The following SLC15A1 variants were observed in gnomAD, a reference collection of about 807,000 sequenced individuals.
SLC15A1 encodes Caco-2 oligopeptide transporter.
Under a neutral mutation model 92.9 loss-of-function variants are expected in SLC15A1, and 83 were observed. The observed-to-expected ratio is 0.89, with a 90% CI of 0.75 to 1.07. The LOEUF (loss-of-function observed/expected upper bound fraction) is 1.07. Ranked by LOEUF, SLC15A1 falls within the 50% of genes least tolerant of loss-of-function variation. The probability of loss-of-function intolerance (pLI) is 0.00; values close to 1 mark genes in which losing one functional copy is unlikely to be tolerated. For missense variants in SLC15A1, 857 were observed against 880.1 expected (o/e 0.97, Z 0.33); for synonymous variants, 322 against 318.2 (o/e 1.01, Z -0.13).
Position 98,709,498 on chromosome 13 carries a change from AGGCT to A in SLC15A1, c.1067+70_1067+73del, listed in dbSNP as rs2088143413. On this transcript the variant is annotated intron_variant, in intron 14 of 22. Coordinates refer to ENST00000376503, the MANE Select transcript of SLC15A1 (RefSeq NM_005073.4). Reference sequence around the variant, plus strand: ...TAGGCGAGGTTGCGGGAAGGGCTGCAGGCTGAGCGCAGCCCATCTGCAAAGCCCT... The same window carrying A: ...TAGGCGAGGTTGCGGGAAGGGCTGCAGAGCGCAGCCCATCTGCAAAGCCCT... The A allele has an allele frequency of 3.3e-6, 4 of 1,207,384 alleles. No individual in the cohort carries two copies. In the East Asian group the frequency reaches 9.4e-5, roughly 28 times the overall value. The allele number at this position is 1,207,384 out of a possible 1,614,324, so 74.8% of individuals were successfully genotyped here. A position where few individuals can be genotyped will look rare whatever the true frequency, so the allele number is the denominator to read the frequency against.
chr13:98,699,815 T>C (rs2088053301), intron 18 of SLC15A1, among the ~76,000 whole-genome samples: 1 of 152,226 alleles, frequency 6.6e-6, no homozygotes, highest in Admixed American at 6.5e-5. Flanking sequence ...AGCCACCTGA[T>C]AGGTGTGTTG....
At chr13:98,712,764 G>A (rs569479685) in intron 9 of SLC15A1, among the ~76,000 whole-genome samples, 180 bp from the exon 10 acceptor site, 84 of 152,290 alleles carry the variant, frequency 5.5e-4, no homozygotes, top group African/African-American at 1.9e-3. Context: ...AACTAAGAGC[G>A]TTTGAGTTGG....
At chr13:98,739,362 G>A (rs1394837241) in intron 1 of SLC15A1, among the ~76,000 whole-genome samples, 1 of 152,114 alleles carries the variant, frequency 6.6e-6, no homozygotes, top group Non-Finnish European at 1.5e-5. Context: ...GAGGCCAGGG[G>A]GAATGATACA....
rs567547313 is a variant in SLC15A1, at chr13:98,745,584, C to T, written c.4+7011G>A. 1.2e-4 allele frequency among the ~76,000 whole-genome samples: 19 copies of T among 152,202 alleles called. No individual in the cohort carries two copies. In the South Asian group the frequency reaches 1.9e-3, roughly 15 times the overall value. On this transcript the variant is annotated intron_variant, in intron 1 of 22. Coordinates refer to ENST00000376503, the MANE Select transcript of SLC15A1 (RefSeq NM_005073.4). ...ACAGAGACAGATGGGCTGGCAGAGA[C>T]GGCAGGGGTGTGTCCGCAAGCCAAG... is the stretch of plus-strand genomic sequence containing the variant.
chr13:98,716,634 AT>A (rs1342939165), intron 8 of SLC15A1, among the ~76,000 whole-genome samples: 6 of 152,184 alleles, frequency 3.9e-5, no homozygotes, highest in Non-Finnish European at 7.3e-5. Flanking sequence ...AATAATAAAA[AT>A]AAAAATAAAT....
Position 98,709,607 on chromosome 13 carries a change from C to T in SLC15A1, c.1032G>A (p.Leu344=). The change falls in exon 14 of 23, where the codon CTG becomes CTA. Residue 344 remains leucine (L), a synonymous_variant. Transcript: ENST00000376503. ...VIMVPIFDAV[L]YPLIAKCGFN... is the part of the protein sequence containing the mutation. The stretch of plus-strand genomic sequence containing the variant: ...AGCCACATTTTGCAATGAGAGGGTA[C>T]AGCACAGCATCGAAGATCGGGACCA... 1.2e-6 allele frequency: 2 copies of T among 1,614,184 alleles called. No homozygotes were observed. Among genetic ancestry groups the T allele is most frequent in the Non-Finnish European group, 1.7e-6 (2 of 1,180,028 alleles).
chr13:98,686,951 T>TC (rs907804689), intron 21 of SLC15A1, among the ~76,000 whole-genome samples: 31 of 93,486 alleles, frequency 3.3e-4, no homozygotes, highest in Middle Eastern at 5.7e-3. Context: ...TTTTTCTTCT[T>TC]TTTTTTTTTT....
Position 98,708,766 on chromosome 13 carries a change from A to G in SLC15A1, c.1069T>C (p.Ser357Pro). 6.2e-7 allele frequency: 1 copy of G among 1,609,662 alleles called. No individual in the cohort carries two copies. The part of the protein sequence containing the change: ...LIAKCGFNFT[S>P]LKKMAVGMVL... ...ATGCCAACTGCCATCTTCTTCAAGG[A>G]GCTGATGGCACAAGAGAAGAGTGAC... is the stretch of plus-strand genomic sequence containing the variant. Residue 357 changes from serine (S) to proline (P), a missense_variant and splice_region_variant, in exon 15 of 23, where the codon TCC becomes CCC. Coordinates refer to ENST00000376503, the MANE Select transcript of SLC15A1 (RefSeq NM_005073.4).
At chr13:98,746,311 G>A (rs2088492502) in intron 1 of SLC15A1, among the ~76,000 whole-genome samples, 1 of 152,080 alleles carries the variant, frequency 6.6e-6, no homozygotes, top group Non-Finnish European at 1.5e-5. Context: ...TTGCTATTGT[G>A]AATAGTGCTT....
At chr13:98,722,339 T>C (rs1029998052) in intron 5 of SLC15A1, among the ~76,000 whole-genome samples, 1 of 152,248 alleles carries the variant, frequency 6.6e-6, no homozygotes, top group African/African-American at 2.4e-5. Context: ...TTAGGTAGTA[T>C]GATCTCAGTT....
At chr13:98,735,266 A>C (rs1352244360) in intron 1 of SLC15A1, among the ~76,000 whole-genome samples, 3 of 152,198 alleles carry the variant, frequency 2.0e-5, no homozygotes, top group African/African-American at 7.2e-5. Flanking sequence ...GATGAAGAAA[A>C]GACTTTGACG....
At chr13:98,721,412 G>T in intron 7 of SLC15A1, 83 bp downstream of exon 7, 1 of 950,876 alleles carries the variant, frequency 1.1e-6, no homozygotes, top group East Asian at 2.6e-5. Context: ...GGGCAGAAGG[G>T]AAGAACAGAA....
chr13:98,726,805 A>G (rs762237420), intron 2 of SLC15A1, 38 bp downstream of exon 2: 13 of 1,599,498 alleles, frequency 8.1e-6, no homozygotes, highest in Non-Finnish European at 1.0e-5. Flanking sequence ...TAAAATTTAC[A>G]AGATGAAGAT....
chr13:98,730,246 G>A (rs1209018185), intron 1 of SLC15A1, among the ~76,000 whole-genome samples: 26 of 28,338 alleles, frequency 9.2e-4, no homozygotes, highest in African/African-American at 2.6e-3. Context: ...GGAAGGGGAA[G>A]GGGAGGGGAA....
chr13:98,695,298 G>A (rs2088013285), intron 18 of SLC15A1, among the ~76,000 whole-genome samples: 1 of 152,070 alleles, frequency 6.6e-6, no homozygotes. Context: ...TTTTGTCCAG[G>A]CTGGCTTCGA....
chr13:98,726,535 G>T, intron 2 of SLC15A1, 86 bp from the exon 3 acceptor site: 1 of 1,225,780 alleles, frequency 8.2e-7, no homozygotes, highest in Non-Finnish European at 1.2e-6. Context: ...ATGAAAGGCA[G>T]CCAACGCAGA....
At chr13:98,743,704 T>TGTA (rs2088467872) in intron 1 of SLC15A1, among the ~76,000 whole-genome samples, 1 of 150,534 alleles carries the variant, frequency 6.6e-6, no homozygotes, top group South Asian at 2.1e-4. Flanking sequence ...CAACCCTTGC[T>TGTA]CTCCAAGTTA....
In SLC15A1 at chr13:98,726,250, A is replaced by G. The variant is rs1382790002; in HGVS notation, c.118T>C (p.Tyr40His). Residue 40 changes from tyrosine to histidine, a missense_variant, in exon 4 of 23, where the codon TAC (tyrosine) becomes CAC (histidine). Physicochemically the swap from Tyr to His is moderately conservative, Grantham distance 83. Coordinates refer to ENST00000376503, the MANE Select transcript of SLC15A1 (RefSeq NM_005073.4). Reference protein sequence around the residue: ...YYGMRAILILYFTNFISWDDN... With the variant: ...YYGMRAILILHFTNFISWDDN... ...TCCCAGCTGATGAAATTTGTGAAGT[A>G]CAGAATCAGGATTGCTTTTGCAGAG... The G allele has an allele frequency of 6.8e-6, 11 of 1,614,180 alleles. No homozygotes were observed. Among genetic ancestry groups the G allele is most frequent in the Non-Finnish European group, 7.6e-6 (9 of 1,180,036 alleles).
At chr13:98,742,650 C>G (rs193224336) in intron 1 of SLC15A1, among the ~76,000 whole-genome samples, 1 of 152,184 alleles carries the variant, frequency 6.6e-6, no homozygotes, top group Non-Finnish European at 1.5e-5. Flanking sequence ...TCTCCTGGTG[C>G]TTTGAGGCCC....
Sources: allele counts gnomAD v4.1 joint callset (sites outside exome capture counted in the v4.1 genomes callset), GRCh38; gene constraint gnomAD v4.1.1; transcripts MANE v1.5; gene names NCBI Gene and HGNC (gene_info 2026-07-23, HGNC 2026-07-21).